Variants in FYTTD1 observed in about 807,000 individuals in gnomAD.
The protein encoded by FYTTD1 is forty-two-three domain containing 1, also known as UAP56-interacting factor.
A neutral mutation model predicts 40.9 loss-of-function variants in FYTTD1; 22 were observed. The ratio of observed to expected loss-of-function variants is 0.54; its 90% CI spans 0.38 to 0.77. The LOEUF is 0.77. Among genes scored for constraint, FYTTD1 ranks in the 30% least tolerant of loss-of-function variants. The probability of loss-of-function intolerance (pLI) is 0.00; values close to 1 mark genes in which losing one functional copy is unlikely to be tolerated. For synonymous variants in FYTTD1, 140 were observed against 137.9 expected, an observed-to-expected ratio of 1.01 and a Z score of -0.10; for missense variants, 351 against 392.2, an observed-to-expected ratio of 0.90 and a Z score of 0.89.
chr3:197,781,768 A>T (rs182805681), intron 8 of FYTTD1, 43 bp from the exon 9 acceptor site: 984 of 1,397,060 alleles, frequency 7.0e-4, no homozygotes, highest in Non-Finnish European at 8.7e-4. Flanking sequence ...TAAAGTTGTT[A>T]ATTGTTGCTT....
chr3:197,766,149 C>T (rs1230265382), intron 2 of FYTTD1, among the ~76,000 whole-genome samples: 30 of 130,446 alleles, frequency 2.3e-4, no homozygotes, highest in Admixed American at 1.4e-3. Context: ...GGCAACAGAG[C>T]GAGACTCTGT....
intron 2 of FYTTD1, among the ~76,000 whole-genome samples, chr3:197,764,590 T>A (rs961413739): frequency 1.3e-5 from 2 of 151,138 alleles, no homozygotes; most frequent in African/African-American, 4.9e-5. Context: ...GCGCCTGTAG[T>A]CCCAGCTACT....
At chr3:197,774,652 A>G (rs1357922577) in intron 6 of FYTTD1, among the ~76,000 whole-genome samples, 2 of 151,456 alleles carry the variant, frequency 1.3e-5, no homozygotes, top group Non-Finnish European at 2.9e-5. Context: ...CATCCTGAGC[A>G]GCATAGCTCG....
chr3:197,785,271 G>A lies in FYTTD1; in HGVS notation c.*3362G>A, dbSNP rs1730129319. 6.6e-6 allele frequency: 1 copy of A among 152,174 alleles called. No homozygotes were observed. The highest frequency in any genetic ancestry group is 1.5e-5 in the Non-Finnish European group (1 of 68,028). The allele number at this position is 152,174 out of a possible 1,614,324, so 9.4% of individuals were successfully genotyped here. A position where few individuals can be genotyped will look rare whatever the true frequency, so the allele number is the denominator to read the frequency against. On this transcript the variant is annotated 3_prime_UTR_variant, in exon 9 of 9. Coordinates refer to ENST00000241502, the MANE Select transcript of FYTTD1 (RefSeq NM_032288.7). Reference sequence around the variant, plus strand: ...ACGGAGGATTGGTTCCAGGACCCTTGTATATACCCAACCCTGCGCAATACT... The same window carrying A: ...ACGGAGGATTGGTTCCAGGACCCTTATATATACCCAACCCTGCGCAATACT...
intron 2 of FYTTD1, among the ~76,000 whole-genome samples, chr3:197,757,551 G>A (rs899807582): frequency 6.6e-6 from 1 of 152,212 alleles, no homozygotes; most frequent in Non-Finnish European, 1.5e-5. Context: ...ACTTTGGGAG[G>A]ATCAGTTGAA....
At chr3:197,775,098 C>CTA (rs760131662) in intron 6 of FYTTD1, among the ~76,000 whole-genome samples, 126 of 151,592 alleles carry the variant, frequency 8.3e-4, no homozygotes, top group Admixed American at 7.9e-4. Context: ...CTTTTTTTTG[C>CTA]TATAACTGCT....
chr3:197,756,448 A>G lies in FYTTD1; in HGVS notation c.126A>G (p.Arg42=), dbSNP rs756372992. 6.2e-7 allele frequency: 1 copy of G among 1,605,738 alleles called. No homozygotes were observed. The change falls in exon 2 of 9, where the codon CGA becomes CGG. Residue 42 remains arginine (R), a synonymous_variant. Transcript: ENST00000241502. ...TAGATGATATCATCAAGTTGAATCGAAAGGAAGGGAAGAAGCAGAATTTTC... is the reference window on the plus strand; with the variant it reads ...TAGATGATATCATCAAGTTGAATCGGAAGGAAGGGAAGAAGCAGAATTTTC... ...MSLDDIIKLN[R]KEGKKQNFPR... is the part of the protein sequence containing the mutation.
chr3:197,756,348 A>C (rs574459788), intron 1 of FYTTD1, 78 bp from the exon 2 acceptor site: 1 of 973,768 alleles, frequency 1.0e-6, no homozygotes, highest in African/African-American at 1.6e-5. Context: ...GGAACGTAGG[A>C]CATCTATCAG....
In FYTTD1 at chr3:197,784,547, G is replaced by A. The variant is rs1730111258; in HGVS notation, c.*2638G>A. On this transcript the variant is annotated 3_prime_UTR_variant, in exon 9 of 9. Transcript: ENST00000241502. ...ACGGTGGCTCATGCCTGTAATCCCAGAACTTGGGGAGGCCAAGGCGGGCGG... is the reference window on the plus strand; with the variant it reads ...ACGGTGGCTCATGCCTGTAATCCCAAAACTTGGGGAGGCCAAGGCGGGCGG... 6.6e-6 allele frequency: 1 copy of A among 152,152 alleles called. No homozygotes were observed. Among genetic ancestry groups the A allele is most frequent in the Non-Finnish European group, 1.5e-5 (1 of 68,046 alleles). The allele number at this position is 152,152 out of a possible 1,614,324, so 9.4% of individuals were successfully genotyped here.
chr3:197,754,306 C>G (rs952135857), intron 1 of FYTTD1, among the ~76,000 whole-genome samples: 2 of 151,916 alleles, frequency 1.3e-5, no homozygotes, highest in African/African-American at 4.8e-5. Context: ...TTTTGAGTGC[C>G]CTTAACTTTG....
At chr3:197,752,594 C>T (rs1379452628) in intron 1 of FYTTD1, among the ~76,000 whole-genome samples, 1 of 151,940 alleles carries the variant, frequency 6.6e-6, no homozygotes, top group Non-Finnish European at 1.5e-5. Flanking sequence ...TTTCTACATA[C>T]ACTACATATA....
Position 197,770,250 on chromosome 3 carries a change from T to C in FYTTD1, c.497+6T>C, listed in dbSNP as rs746024854. On this transcript the variant is annotated splice_donor_region_variant and intron_variant, in intron 4 of 8. Transcript: ENST00000241502. ...CCTAGCCAGCTAAGCAGAAAGTAAG[T>C]GCTCAAAAATAATAATGTGTTATTT... The C allele has an allele frequency of 6.6e-7, 1 of 1,523,636 alleles. No homozygotes were observed. 94.4% of individuals were successfully genotyped at this position (1,523,636 alleles called of 1,614,324 possible). A position where few individuals can be genotyped will look rare whatever the true frequency, so the allele number is the denominator to read the frequency against.
chr3:197,769,693 A>G (rs1416503211), intron 3 of FYTTD1, among the ~76,000 whole-genome samples: 3 of 151,514 alleles, frequency 2.0e-5, no homozygotes, highest in African/African-American at 7.3e-5. Flanking sequence ...TTTGGCATGC[A>G]TTTGTTTTGG....
chr3:197,769,657 C>T (rs1395778262), intron 3 of FYTTD1, among the ~76,000 whole-genome samples: 1 of 152,158 alleles, frequency 6.6e-6, no homozygotes, highest in African/African-American at 2.4e-5. Flanking sequence ...TCTTTGCTGT[C>T]ATAACTTCCC....
intron 4 of FYTTD1, 118 bp from the exon 5 acceptor site, chr3:197,773,285 G>GT: frequency 1.6e-6 from 1 of 624,694 alleles, no homozygotes; most frequent in Non-Finnish European, 2.8e-6. Context: ...ATTCAGAGTT[G>GT]TTTGTTTCTT....
At chr3:197,779,955 C>T (rs531890084) in intron 8 of FYTTD1, among the ~76,000 whole-genome samples, 1 of 147,048 alleles carries the variant, frequency 6.8e-6, no homozygotes, top group Admixed American at 6.8e-5. Flanking sequence ...GGGATACAGG[C>T]ACACACCATA....
intron 6 of FYTTD1, among the ~76,000 whole-genome samples, chr3:197,776,390 T>G (rs1464984064): frequency 3.4e-5 from 5 of 148,748 alleles, no homozygotes; most frequent in African/African-American, 1.2e-4. Flanking sequence ...ATTTGTTTTT[T>G]TTTTTTTTTT....
intron 4 of FYTTD1, among the ~76,000 whole-genome samples, chr3:197,771,769 T>C (rs1436889789): frequency 3.0e-5 from 2 of 65,608 alleles, no homozygotes; most frequent in East Asian, 5.7e-4. Context: ...AGAGCGAGAC[T>C]CCGTCTCAAA....
At position 197,781,880 on chromosome 3, in the gene FYTTD1, G is replaced by C. The variant is rs766169761; in HGVS notation, c.928G>C (p.Gly310Arg). ...AAGAGCCACTCTCACATACAACAAA[G>C]GGGGAAGCCGCTTTGTCACCGTGGG... ...EQRATLTYNK[G>R]GSRFVTVG The change falls in exon 9 of 9, where the codon GGG becomes CGG. Residue 310 changes from glycine (G) to arginine (R), a missense_variant. Coordinates refer to ENST00000241502, the MANE Select transcript of FYTTD1 (RefSeq NM_032288.7). 6.2e-7 allele frequency: 1 copy of C among 1,608,220 alleles called. No individual in the cohort carries two copies. The highest frequency in any genetic ancestry group is 1.1e-5 in the South Asian group (1 of 90,006).
Sources: allele counts gnomAD v4.1 joint callset (sites outside exome capture counted in the v4.1 genomes callset), GRCh38; gene constraint gnomAD v4.1.1; transcripts MANE v1.5; gene names NCBI Gene and HGNC (gene_info 2026-07-23, HGNC 2026-07-21).